Variants in TMEM132B observed in about 807,000 individuals in gnomAD.
TMEM132B encodes the protein transmembrane protein 132B.
In TMEM132B, 18 loss-of-function variants were observed where a neutral mutation model predicts 90.8. The ratio of observed to expected loss-of-function variants is 0.20; its 90% CI spans 0.14 to 0.29. The LOEUF (loss-of-function observed/expected upper bound fraction) is 0.29. Ranked by LOEUF, TMEM132B falls within the 10% of genes least tolerant of loss-of-function variation. TMEM132B has a pLI of 1.00. For synonymous variants in TMEM132B, 504 were observed against 523.3 expected (o/e 0.96, Z 0.50); for missense variants, 1,096 against 1,326.8 (o/e 0.83, Z 2.70).
At position 125,652,585 on chromosome 12, in the gene TMEM132B, A is replaced by G. The variant is rs201819763; in HGVS notation, c.2059A>G (p.Ile687Val). 15 of 1,613,664 alleles carry G rather than the reference A, an allele frequency of 9.3e-6. No homozygotes were observed. The highest frequency in any genetic ancestry group is 1.3e-5 in the African/African-American group (1 of 74,934). Residue 687 changes from isoleucine to valine, a missense_variant, in exon 8 of 9, where the codon ATC becomes GTC. Physicochemically the swap from Ile to Val is conservative, Grantham distance 29. Transcript: ENST00000682704. ...LQPHRADKRA[I>V]VSTAAALDVL... is the part of the protein sequence containing the mutation. ...GCCACACCGAGCAGACAAAAGGGCC[A>G]TCGTCTCCACAGCTGCTGCCCTGGA...
At chr12:125,522,812 A>G (rs1011511207) in intron 4 of TMEM132B, among the ~76,000 whole-genome samples, 16 of 152,166 alleles carry the variant, frequency 1.1e-4, no homozygotes, top group African/African-American at 3.9e-4. Context: ...TTCCTCCCAA[A>G]CTGTCTCTCC....
intron 1 of TMEM132B, among the ~76,000 whole-genome samples, chr12:125,189,416 A>G (rs1275190941): frequency 6.6e-6 from 1 of 152,102 alleles, no homozygotes; most frequent in Non-Finnish European, 1.5e-5. Context: ...CCCACGACAG[A>G]GGGGCCACAT....
intron 2 of TMEM132B, among the ~76,000 whole-genome samples, chr12:125,413,718 C>G (rs1265947096): frequency 1.3e-5 from 2 of 152,152 alleles, no homozygotes; most frequent in Non-Finnish European, 2.9e-5. Context: ...TATGGATAGA[C>G]CACATTTTAT....
chr12:125,519,660 AAAG>A lies in TMEM132B; in HGVS notation c.1293+39_1293+41del, dbSNP rs775347748. 1.1e-5 allele frequency: 17 copies of A among 1,609,424 alleles called. No individual in the cohort carries two copies. In the South Asian group the frequency reaches 1.7e-4, roughly 16 times the overall value. ...CTGGGGGTTTCAGAGGAAGTGTCAC[AAAG>A]AAGTTTTCTTTAAACATGATGCACT... On this transcript the variant is annotated intron_variant, in intron 4 of 8. Coordinates refer to ENST00000682704, the MANE Select transcript of TMEM132B (RefSeq NM_001366854.1).
At chr12:125,462,609 T>G (rs1881465882) in intron 3 of TMEM132B, among the ~76,000 whole-genome samples, 1 of 152,098 alleles carries the variant, frequency 6.6e-6, no homozygotes, top group African/African-American at 2.4e-5. Context: ...TAAATAGATG[T>G]CCCCGAAGTG....
intron 2 of TMEM132B, among the ~76,000 whole-genome samples, chr12:125,353,207 A>G (rs1370865024): frequency 7.0e-6 from 1 of 142,738 alleles, no homozygotes; most frequent in Non-Finnish European, 1.5e-5. Flanking sequence ...AGACATTACC[A>G]ATCAACTGCA....
intron 5 of TMEM132B, among the ~76,000 whole-genome samples, chr12:125,622,866 T>C (rs758370820): frequency 1.2e-4 from 18 of 152,206 alleles, no homozygotes; most frequent in Non-Finnish European, 2.1e-4. Context: ...TTGATAAACA[T>C]TTCTTTTCTA....
chr12:125,386,358 T>C (rs1300407073), intron 2 of TMEM132B, among the ~76,000 whole-genome samples: 1 of 152,176 alleles, frequency 6.6e-6, no homozygotes, highest in East Asian at 1.9e-4. Flanking sequence ...TCAGATGGCT[T>C]TCAAGGAGAA....
In TMEM132B at chr12:125,186,535, G is replaced by A. The variant is rs1013352684; in HGVS notation, c.-265G>A. On this transcript the variant is annotated 5_prime_UTR_variant, in exon 1 of 9. Coordinates refer to ENST00000682704, the MANE Select transcript of TMEM132B (RefSeq NM_001366854.1). The surrounding 1 kb of genome is among the most constrained non-coding windows in gnomAD (Gnocchi z 6.3). ...GGCCGCGCAACTCGGGCCAACTGCGGGGCAGCCGGCCAGGGCGCGGGGCGC... is the reference window on the plus strand; with the variant it reads ...GGCCGCGCAACTCGGGCCAACTGCGAGGCAGCCGGCCAGGGCGCGGGGCGC... 1.6e-4 allele frequency among the ~76,000 whole-genome samples: 24 copies of A among 146,724 alleles called. No homozygotes were observed. The highest frequency in any genetic ancestry group is 5.9e-4 in the African/African-American group (24 of 41,008).
intron 1 of TMEM132B, among the ~76,000 whole-genome samples, chr12:125,299,205 AC>A (rs1565996221): frequency 1.3e-5 from 2 of 151,956 alleles, no homozygotes; most frequent in South Asian, 4.2e-4. Flanking sequence ...ATGAGGCTGT[AC>A]CCCCCACTGT....
At chr12:125,346,456 G>A (rs952925738) in intron 1 of TMEM132B, among the ~76,000 whole-genome samples, 3 of 152,214 alleles carry the variant, frequency 2.0e-5, no homozygotes, top group Non-Finnish European at 4.4e-5. Flanking sequence ...GAAAGATATT[G>A]TGATGCTGCA....
intron 3 of TMEM132B, among the ~76,000 whole-genome samples, chr12:125,479,024 G>A (rs1255436484): frequency 6.6e-6 from 1 of 152,162 alleles, no homozygotes; most frequent in Non-Finnish European, 1.5e-5. Context: ...CTTCATAAGC[G>A]AAGGAGAAAT....
intron 4 of TMEM132B, among the ~76,000 whole-genome samples, chr12:125,562,170 T>C (rs1489311757): frequency 1.3e-5 from 2 of 152,230 alleles, no homozygotes; most frequent in African/African-American, 4.8e-5. Flanking sequence ...GACTTAAGCC[T>C]TATGAACCAA....
chr12:125,438,249 AAGG>A (rs566659032), intron 3 of TMEM132B, among the ~76,000 whole-genome samples: 1 of 152,156 alleles, frequency 6.6e-6, no homozygotes, highest in African/African-American at 2.4e-5. Flanking sequence ...CTCTGTAAGG[AAGG>A]AGGTTTTTGG....
chr12:125,331,152 G>A (rs1876756550), intron 1 of TMEM132B, among the ~76,000 whole-genome samples: 1 of 152,218 alleles, frequency 6.6e-6, no homozygotes, highest in Admixed American at 6.5e-5. Flanking sequence ...ACTGGGAGCG[G>A]GGCGGGGACA....
chr12:125,370,682 T>A (rs1878266147), intron 2 of TMEM132B, among the ~76,000 whole-genome samples: 1 of 152,212 alleles, frequency 6.6e-6, no homozygotes, highest in Non-Finnish European at 1.5e-5. Flanking sequence ...GTGCTGGGAT[T>A]ATAGGCATGA....
intron 2 of TMEM132B, among the ~76,000 whole-genome samples, chr12:125,357,480 A>G (rs571604102): frequency 1.1e-3 from 172 of 152,356 alleles, no homozygotes; most frequent in African/African-American, 3.9e-3. Context: ...ACTCATATGA[A>G]TGCATTTAGA....
At chr12:125,234,379 A>G (rs1873886309) in intron 1 of TMEM132B, among the ~76,000 whole-genome samples, 1 of 152,168 alleles carries the variant, frequency 6.6e-6, no homozygotes, top group Non-Finnish European at 1.5e-5. Context: ...CAGCCCTGTG[A>G]ACTAGAGAAG....
chr12:125,462,450 A>G (rs75071897), intron 3 of TMEM132B, among the ~76,000 whole-genome samples: 2,503 of 152,278 alleles, frequency 0.016, 60 homozygotes, highest in African/African-American at 0.057. Flanking sequence ...ATAAATAAGT[A>G]CCCAAATAAT....
Sources: allele counts gnomAD v4.1 joint callset (sites outside exome capture counted in the v4.1 genomes callset), GRCh38; gene constraint gnomAD v4.1.1; non-coding constraint Gnocchi (gnomAD v3.1); transcripts MANE v1.5; gene names NCBI Gene and HGNC (gene_info 2026-07-23, HGNC 2026-07-21).